Variants in GSDME observed in about 807,000 individuals in gnomAD.
The protein encoded by GSDME is gasdermin-E.
In GSDME, 44 loss-of-function variants were observed where a neutral mutation model predicts 47.5. That is an observed-to-expected ratio of 0.93 (90% confidence interval 0.73 to 1.19). The LOEUF is 1.19. Ranked by LOEUF, GSDME falls within the 50% of genes most tolerant of loss-of-function variation. The pLI, the probability that GSDME is intolerant of heterozygous loss-of-function variation, is 0.00. For missense variants in GSDME, 663 were observed against 604.2 expected (o/e 1.10, Z -1.02); for synonymous variants, 258 against 252.8 (o/e 1.02, Z -0.20).
Position 24,698,851 on chromosome 7 carries a change from G to GTTTT in GSDME, c.*174_*175insAAAA. ...AGGAGGGCCTCTGATAAGGAAAACT[G>GTTTT]TTTAAAGAGTACCTGGTGGCTAAAA... On this transcript the variant is annotated 3_prime_UTR_variant, in exon 10 of 10. Transcript: ENST00000645220. 1.5e-6 allele frequency: 1 copy of GTTTT among 654,038 alleles called. No individual in the cohort carries two copies. Among genetic ancestry groups the GTTTT allele is most frequent in the Non-Finnish European group, 2.8e-6 (1 of 361,524 alleles). The allele number at this position is 654,038 out of a possible 1,614,324, so 40.5% of individuals were successfully genotyped here.
intron 9 of GSDME, 161 bp downstream of exon 9, chr7:24,702,599 G>A (rs1788914231): frequency 1.6e-6 from 1 of 642,986 alleles, no homozygotes; most frequent in African/African-American, 1.8e-5. Context: ...CCATGGGGTG[G>A]GATGTGTATA....
rs1789961303 is a variant in GSDME, at chr7:24,726,212, T to C, written c.405-6994A>G. 6.6e-6 allele frequency among the ~76,000 whole-genome samples: 1 copy of C among 152,192 alleles called. No homozygotes were observed. Among genetic ancestry groups the C allele is most frequent in the African/African-American group, 2.4e-5 (1 of 41,440 alleles). On this transcript the variant is annotated intron_variant, in intron 3 of 9. Transcript: ENST00000645220. This position sits in a 1 kb window ranked among gnomAD's most constrained non-coding sequence, Gnocchi z 5.6. ...AAGCTTTAATTTCCATTTTCTCTGC[T>C]TCTAAGACTTTCAAGAGCCAAAATG... is the stretch of plus-strand genomic sequence containing the variant.
intron 8 of GSDME, 139 bp downstream of exon 8, chr7:24,706,045 C>T (rs559805364): frequency 1.0e-5 from 11 of 1,097,868 alleles, no homozygotes; most frequent in East Asian, 2.6e-5. Flanking sequence ...CACCTCTTAC[C>T]CTCCCTGTAC....
chr7:24,706,808 G>A (rs541169020), intron 7 of GSDME, among the ~76,000 whole-genome samples: 79 of 152,372 alleles, frequency 5.2e-4, no homozygotes, highest in Middle Eastern at 3.4e-3. Context: ...AGCCTGCTGT[G>A]GAGTGAGGCG....
At chr7:24,720,986 C>T (rs1280394544) in intron 3 of GSDME, among the ~76,000 whole-genome samples, 1 of 151,880 alleles carries the variant, frequency 6.6e-6, no homozygotes, top group African/African-American at 2.4e-5. Context: ...CCAAGTAACA[C>T]ACTCCAGGGA....
chr7:24,704,614 C>T (rs145505957), intron 8 of GSDME: 1 of 152,330 alleles, frequency 6.6e-6, no homozygotes, highest in Non-Finnish European at 1.5e-5. Flanking sequence ...ACATTGCCAG[C>T]TGCACCTAAA....
At position 24,756,620 on chromosome 7, in the gene GSDME, C is replaced by A. The variant is rs532666617; in HGVS notation, c.-20+776G>T. 1.6e-4 allele frequency among the ~76,000 whole-genome samples: 25 copies of A among 152,358 alleles called. No individual in the cohort carries two copies. The South Asian group carries it at 3.1e-3, about 19-fold the overall frequency. On this transcript the variant is annotated intron_variant, in intron 1 of 9. Transcript: ENST00000645220. The surrounding 1 kb of genome is among the most constrained non-coding windows in gnomAD (Gnocchi z 4.2). ...CATCCATCCCTTTCATTATCCCATT[C>A]ACTATTCTGGACAGAGTAGACTCTG...
In GSDME at chr7:24,725,494, C is replaced by T. The variant is rs912129535; in HGVS notation, c.405-6276G>A. On this transcript the variant is annotated intron_variant, in intron 3 of 9. Transcript: ENST00000645220. This position sits in a 1 kb window ranked among gnomAD's most constrained non-coding sequence, Gnocchi z 5.1. The stretch of plus-strand genomic sequence containing the variant: ...AGGAAGGGGTTTATTCGGCCGGGAG[C>T]GTCGGCAAGACTCCTGTCTCAAGAG... 2.6e-5 allele frequency among the ~76,000 whole-genome samples: 4 copies of T among 152,082 alleles called. No individual in the cohort carries two copies. The highest frequency in any genetic ancestry group is 4.4e-5 in the Non-Finnish European group (3 of 68,010).
At chr7:24,767,116 G>A in the GSDME span, among the ~76,000 whole-genome samples, 2 of 152,146 alleles carry the variant, frequency 1.3e-5, no homozygotes, top group Admixed American at 6.6e-5. This position sits in a 1 kb window ranked among gnomAD's most constrained non-coding sequence, Gnocchi z 5.3. Flanking sequence ...CTGAGGTCAG[G>A]GGTTCAAGAC....
rs929873818 is a variant in GSDME at position 24,733,260 on chromosome 7, C to G, written c.404+11302G>C. ...TAAAGAGCCCTGGGCCCTGCATGAT[C>G]TGCAACAGTAACCAGGCAATACATG... On this transcript the variant is annotated intron_variant, in intron 3 of 9. Transcript: ENST00000645220. The surrounding 1 kb of genome is among the most constrained non-coding windows in gnomAD (Gnocchi z 4.3). 6.6e-6 allele frequency among the ~76,000 whole-genome samples: 1 copy of G among 151,956 alleles called. No homozygotes were observed. Among genetic ancestry groups the G allele is most frequent in the Non-Finnish European group, 1.5e-5 (1 of 68,004 alleles).
chr7:24,749,895 G>T, intron 1 of GSDME, 102 bp from the exon 2 acceptor site: 1 of 735,030 alleles, frequency 1.4e-6, no homozygotes, highest in Non-Finnish European at 2.3e-6. Context: ...CAGTTCACAT[G>T]AAAGAATATC....
At chr7:24,770,125 C>A in the GSDME span, among the ~76,000 whole-genome samples, 1 of 152,180 alleles carries the variant, frequency 6.6e-6, no homozygotes, top group Non-Finnish European at 1.5e-5. The surrounding 1 kb of genome is among the most constrained non-coding windows in gnomAD (Gnocchi z 4.6). Flanking sequence ...ACCCAAGCCC[C>A]AGGGAGGGAA....
upstream of GSDME, chr7:24,758,166 C>T (rs1303812393): frequency 6.6e-6 from 1 of 152,216 alleles, no homozygotes; most frequent in African/African-American, 2.4e-5. This position sits in a 1 kb window ranked among gnomAD's most constrained non-coding sequence, Gnocchi z 4.6. Context: ...CCAGCTGAAA[C>T]CGATTAACCA....
chr7:24,708,021 GGGA>G (rs1300060183), intron 7 of GSDME, 103 bp downstream of exon 7: 18 of 1,406,636 alleles, frequency 1.3e-5, no homozygotes, highest in Non-Finnish European at 1.7e-5. Flanking sequence ...GACAGCTGTA[GGGA>G]GAAAAGGAGG....
chr7:24,754,485 C>CA lies in GSDME; in HGVS notation c.-20+2910dup, dbSNP rs34712480. Among the ~76,000 whole-genome samples the CA allele has an allele frequency of 4.7e-3, 620 of 131,610 alleles. 2 individuals are homozygous for CA. Among genetic ancestry groups the CA allele is most frequent in the East Asian group, 8.4e-3 (38 of 4,516 alleles). 86.3% of individuals were successfully genotyped at this position (131,610 alleles called of 152,430 possible). On this transcript the variant is annotated intron_variant, in intron 1 of 9. Transcript: ENST00000645220. The surrounding 1 kb of genome is among the most constrained non-coding windows in gnomAD (Gnocchi z 5.0). ...GGGCAACAAGAGCGAAACTTTGTCT[C>CA]AAAAAAAAAAAAAAAAAGTTGTATT... is the stretch of plus-strand genomic sequence containing the variant.
At chr7:24,719,455 GC>G (rs1303941816) in intron 3 of GSDME, among the ~76,000 whole-genome samples, 1 of 152,178 alleles carries the variant, frequency 6.6e-6, no homozygotes, top group Non-Finnish European at 1.5e-5. Context: ...AGGGAAGGGG[GC>G]TTTCAGTCAA....
chr7:24,707,558 C>A, intron 7 of GSDME: 1 of 384,592 alleles, frequency 2.6e-6, no homozygotes. Context: ...TTACCTGGAA[C>A]CTAAGAACGT....
chr7:24,781,627 G>C, the GSDME span, among the ~76,000 whole-genome samples: 2 of 151,752 alleles, frequency 1.3e-5, no homozygotes, highest in Admixed American at 6.6e-5. Flanking sequence ...AAGAGCGTTT[G>C]TTTATGTGGA....
intron 2 of GSDME, among the ~76,000 whole-genome samples, chr7:24,748,126 G>A (rs1342888853): frequency 1.4e-5 from 2 of 147,038 alleles, no homozygotes; most frequent in Non-Finnish European, 3.0e-5. Context: ...AATAAGGAGT[G>A]TATAAAAATT....
Sources: gnomAD v4.1 joint callset for allele counts (sites outside exome capture counted in the v4.1 genomes callset) on GRCh38, gnomAD v4.1.1 for gene constraint, Gnocchi (gnomAD v3.1) non-coding constraint, MANE v1.5 for transcripts, NCBI Gene and HGNC (gene_info 2026-07-23, HGNC 2026-07-21) for gene names.